The following CLK4 variants were observed in gnomAD, a reference collection of about 807,000 sequenced individuals.
The protein encoded by CLK4 is CDC like kinase 4.
CLK4 carries 37 observed loss-of-function variants against 64.4 expected under a neutral mutation model. The observed-to-expected ratio is 0.57, with a 90% CI of 0.44 to 0.76. The LOEUF is 0.76. Among genes scored for constraint, CLK4 ranks in the 30% least tolerant of loss-of-function variants. The probability of loss-of-function intolerance (pLI) is 0.00; values close to 1 mark genes in which losing one functional copy is unlikely to be tolerated. For synonymous variants in CLK4, 175 were observed against 191.6 expected (o/e 0.91, Z 0.72); for missense variants, 457 against 605.1 (o/e 0.76, Z 2.57).
chr5:178,613,911 A>G, intron 5 of CLK4, 68 bp from the exon 6 acceptor site: 14 of 1,154,746 alleles, frequency 1.2e-5, no homozygotes, highest in Non-Finnish European at 1.8e-5. Flanking sequence ...TTATGCTCTA[A>G]AGCATAGTCT....
At chr5:178,618,460 TTATA>T in intron 3 of CLK4, 92 bp downstream of exon 3, 1 of 362,212 alleles carries the variant, frequency 2.8e-6, no homozygotes. Flanking sequence ...AAATAGTATT[TTATA>T]TATATATATA....
chr5:178,625,476 G>A (rs1190767020), intron 1 of CLK4, among the ~76,000 whole-genome samples: 1 of 150,902 alleles, frequency 6.6e-6, no homozygotes, highest in Non-Finnish European at 1.5e-5. Context: ...CAGTTCTTCT[G>A]AAGCGTTCCG....
chr5:178,605,219 G>A (rs1764450446), intron 11 of CLK4, 84 bp downstream of exon 11: 1 of 728,450 alleles, frequency 1.4e-6, no homozygotes. Flanking sequence ...CTTGGAATCA[G>A]TATTACAACA....
chr5:178,626,047 C>A (rs1347069195), intron 1 of CLK4, among the ~76,000 whole-genome samples: 3 of 152,070 alleles, frequency 2.0e-5, no homozygotes, highest in Admixed American at 2.0e-4. Flanking sequence ...TCGCCACTGC[C>A]CTTAAGATCC....
At chr5:178,620,352 T>C (rs934765133) in intron 2 of CLK4, 3 of 236,228 alleles carry the variant, frequency 1.3e-5, no homozygotes, top group Non-Finnish European at 2.6e-5. Flanking sequence ...GCACTAACAA[T>C]CTTTAGCTGG....
At chr5:178,625,087 G>A (rs987108830) in intron 1 of CLK4, among the ~76,000 whole-genome samples, 1 of 152,072 alleles carries the variant, frequency 6.6e-6, no homozygotes, top group African/African-American at 2.4e-5. Flanking sequence ...GATACAAATG[G>A]AGTCACTTCC....
At chr5:178,621,060 AC>A (rs1764700571) in intron 2 of CLK4, among the ~76,000 whole-genome samples, 1 of 152,206 alleles carries the variant, frequency 6.6e-6, no homozygotes, top group African/African-American at 2.4e-5. Context: ...AGCAATTTTC[AC>A]ATAGGGGAAT....
chr5:178,607,028 TAG>T (rs1405608129), intron 10 of CLK4, among the ~76,000 whole-genome samples: 3 of 151,566 alleles, frequency 2.0e-5, no homozygotes, highest in African/African-American at 7.3e-5. Flanking sequence ...GAAAAGAAAG[TAG>T]AGTTTCCTAC....
intron 11 of CLK4, 171 bp downstream of exon 11, chr5:178,605,129 CAAA>C (rs10644053): frequency 4.6e-4 from 92 of 200,480 alleles, no homozygotes; most frequent in Non-Finnish European, 6.5e-4. Flanking sequence ...GACTCCATCT[CAAA>C]AAAAAAAAAA....
At chr5:178,606,507 A>C (rs1764469118) in intron 10 of CLK4, among the ~76,000 whole-genome samples, 1 of 152,176 alleles carries the variant, frequency 6.6e-6, no homozygotes, top group Admixed American at 6.6e-5. Flanking sequence ...TTAGCCCATC[A>C]TAGCTGCATG....
At chr5:178,620,584 A>G in intron 2 of CLK4, 1 of 455,700 alleles carries the variant, frequency 2.2e-6, no homozygotes, top group East Asian at 6.9e-5. Flanking sequence ...TAAAATATCC[A>G]CTGAATGCCC....
At chr5:178,622,100 C>A (rs1764715402) in intron 2 of CLK4, 1 of 152,254 alleles carries the variant, frequency 6.6e-6, no homozygotes, top group African/African-American at 2.4e-5. Context: ...CTGTTCATCA[C>A]TCATATCACT....
intron 1 of CLK4, among the ~76,000 whole-genome samples, chr5:178,625,828 C>T (rs1764771773): frequency 6.6e-6 from 1 of 152,182 alleles, no homozygotes; most frequent in East Asian, 1.9e-4. Flanking sequence ...AGCCTCTGAC[C>T]TCCCCCACTC....
At chr5:178,603,990 C>G in intron 11 of CLK4, 56 bp from the exon 12 acceptor site, 1 of 1,329,216 alleles carries the variant, frequency 7.5e-7, no homozygotes, top group Non-Finnish European at 1.1e-6. Flanking sequence ...CGTATCTTTA[C>G]CCTGCACCCA....
intron 9 of CLK4, 42 bp downstream of exon 9, chr5:178,612,374 T>A: frequency 6.5e-7 from 1 of 1,538,948 alleles, no homozygotes; most frequent in South Asian, 1.2e-5. Flanking sequence ...AACAAAAATC[T>A]CTTCTTCAAT....
At chr5:178,603,986 T>C (rs1484542128) in intron 11 of CLK4, 52 bp from the exon 12 acceptor site, 1 of 1,372,318 alleles carries the variant, frequency 7.3e-7, no homozygotes, top group Non-Finnish European at 1.0e-6. Flanking sequence ...GAGTCGTATC[T>C]TTACCCTGCA....
chr5:178,610,606 G>C (rs551043788), intron 9 of CLK4, among the ~76,000 whole-genome samples: 2 of 152,106 alleles, frequency 1.3e-5, no homozygotes, highest in Admixed American at 6.5e-5. Flanking sequence ...GCCACATTTG[G>C]AACTTTATTA....
chr5:178,607,074 T>A, intron 10 of CLK4, among the ~76,000 whole-genome samples: 1 of 151,272 alleles, frequency 6.6e-6, no homozygotes, highest in Admixed American at 6.6e-5. Flanking sequence ...TTTTTATTTT[T>A]AAAAGCAAAC....
At chr5:178,623,669 C>T (rs1461963783) in intron 1 of CLK4, among the ~76,000 whole-genome samples, 1 of 150,614 alleles carries the variant, frequency 6.6e-6, no homozygotes, top group Non-Finnish European at 1.5e-5. Context: ...CTGATTACAG[C>T]CAGGACAAAT....
Sources: gnomAD v4.1 joint callset for allele counts (sites outside exome capture counted in the v4.1 genomes callset) on GRCh38, gnomAD v4.1.1 for gene constraint, MANE v1.5 for transcripts, NCBI Gene and HGNC (gene_info 2026-07-23, HGNC 2026-07-21) for gene names.